Variants in LCLAT1 observed in about 807,000 individuals in gnomAD.
LCLAT1 encodes the protein lysocardiolipin acyltransferase 1, also known as 1-AGP acyltransferase 8.
A neutral mutation model predicts 30.7 loss-of-function variants in LCLAT1; 11 were observed. The ratio of observed to expected loss-of-function variants is 0.36; its 90% CI spans 0.23 to 0.59. The LOEUF is 0.59. LCLAT1 is among the 20% of genes least tolerant of loss of function. The pLI, the probability that LCLAT1 is intolerant of heterozygous loss-of-function variation, is 0.77. For missense variants in LCLAT1, 402 were observed against 458.6 expected, an observed-to-expected ratio of 0.88 and a Z score of 1.13; for synonymous variants, 155 against 151.3, an observed-to-expected ratio of 1.02 and a Z score of -0.18.
intron 5 of LCLAT1, among the ~76,000 whole-genome samples, chr2:30,577,901 T>C (rs1666063351): frequency 6.6e-6 from 1 of 152,150 alleles, no homozygotes; most frequent in Non-Finnish European, 1.5e-5. Context: ...TATCTGAGTA[T>C]TGTTAAGTAA....
intron 1 of LCLAT1, among the ~76,000 whole-genome samples, chr2:30,507,582 G>A (rs750552261): frequency 6.6e-5 from 10 of 152,086 alleles, no homozygotes; most frequent in Non-Finnish European, 1.5e-4. Context: ...CTGTTCCTGC[G>A]TTAGTTTGCT....
intron 5 of LCLAT1, among the ~76,000 whole-genome samples, chr2:30,593,504 TTTTGCTTAGG>T (rs1479369121): frequency 6.6e-6 from 1 of 152,290 alleles, no homozygotes; most frequent in East Asian, 1.9e-4. Context: ...GCTTTGTTCT[TTTTGCTTAGG>T]ATTGCTTAGC....
chr2:30,471,540 T>A (rs1407885717), intron 1 of LCLAT1, among the ~76,000 whole-genome samples: 1 of 152,264 alleles, frequency 6.6e-6, no homozygotes, highest in Admixed American at 6.5e-5. Flanking sequence ...AAACCTGGTA[T>A]ATCCTTCCAT....
intron 5 of LCLAT1, among the ~76,000 whole-genome samples, chr2:30,584,883 G>A (rs1558536035): frequency 1.3e-5 from 2 of 149,728 alleles, no homozygotes; most frequent in African/African-American, 2.5e-5. Flanking sequence ...TTGGGTGATC[G>A]GAAAAGTTTG....
intron 3 of LCLAT1, among the ~76,000 whole-genome samples, chr2:30,551,298 C>T (rs867896803): frequency 1.1e-4 from 17 of 152,322 alleles, no homozygotes; most frequent in African/African-American, 2.6e-4. Flanking sequence ...TGAGCCACTG[C>T]GCCTAGCCTG....
In LCLAT1 at chr2:30,635,717, A is replaced by C. The variant is rs80261748; in HGVS notation, c.629-4400A>C. ...AAAAATACCATGGAACAAGTCATAG[A>C]AATTGTAGTAGATGCTAACATCCAA... On this transcript the variant is annotated intron_variant, in intron 5 of 5. Coordinates refer to ENST00000379509, the MANE Select transcript of LCLAT1 (RefSeq NM_001002257.3). 4.4e-3 allele frequency among the ~76,000 whole-genome samples: 668 copies of C among 152,320 alleles called. 6 individuals carry two copies. The highest frequency in any genetic ancestry group is 0.015 in the African/African-American group (635 of 41,566).
At chr2:30,519,123 T>A (rs1365639016) in intron 1 of LCLAT1, among the ~76,000 whole-genome samples, 1 of 152,192 alleles carries the variant, frequency 6.6e-6, no homozygotes, top group Non-Finnish European at 1.5e-5. Context: ...GAGGAACACA[T>A]CCAGCTTATA....
chr2:30,536,336 A>G (rs764624264), intron 3 of LCLAT1, among the ~76,000 whole-genome samples: 2 of 152,224 alleles, frequency 1.3e-5, no homozygotes, highest in Non-Finnish European at 2.9e-5. Flanking sequence ...TCTCCAAGGC[A>G]CTTTATGGTC....
chr2:30,492,930 G>A (rs917065452), intron 1 of LCLAT1, among the ~76,000 whole-genome samples: 4 of 152,000 alleles, frequency 2.6e-5, no homozygotes, highest in African/African-American at 9.7e-5. Context: ...TATTTTTGGG[G>A]CACACTAAAA....
intron 1 of LCLAT1, among the ~76,000 whole-genome samples, chr2:30,465,495 G>A (rs1243808572): frequency 6.6e-6 from 1 of 152,100 alleles, no homozygotes; most frequent in Non-Finnish European, 1.5e-5. Context: ...GCAGCGATAG[G>A]AAACTACTGT....
chr2:30,637,139 A>G (rs919592383), intron 5 of LCLAT1, among the ~76,000 whole-genome samples: 2 of 152,202 alleles, frequency 1.3e-5, no homozygotes, highest in Admixed American at 1.3e-4. Flanking sequence ...TGTGAGAGAA[A>G]GGAAAGGGTG....
intron 1 of LCLAT1, among the ~76,000 whole-genome samples, chr2:30,452,219 A>G (rs1458792220): frequency 3.9e-5 from 6 of 152,296 alleles, no homozygotes; most frequent in Non-Finnish European, 5.9e-5. Context: ...TTTATTGTAT[A>G]TATATACTTT....
At position 30,591,782 on chromosome 2, in the gene LCLAT1, C is replaced by T. The variant is rs538369466; in HGVS notation, c.628+23606C>T. On this transcript the variant is annotated intron_variant, in intron 5 of 5. Transcript: ENST00000379509. Reference sequence around the variant, plus strand: ...CTGCACACCATTTCAGCTTTCTTTGCTTATCCCTTTGCCTCAAATACTATC... The same window carrying T: ...CTGCACACCATTTCAGCTTTCTTTGTTTATCCCTTTGCCTCAAATACTATC... Among the ~76,000 whole-genome samples, 5 of 152,272 alleles carry T rather than the reference C, an allele frequency of 3.3e-5. No homozygotes were observed. The South Asian group carries it at 6.2e-4, about 19-fold the overall frequency.
intron 1 of LCLAT1, chr2:30,459,640 G>A (rs1414034778): frequency 2.5e-6 from 4 of 1,613,830 alleles, no homozygotes; most frequent in Non-Finnish European, 2.5e-6. Flanking sequence ...GGAAATTGTG[G>A]TGCTTCTGAA....
intron 5 of LCLAT1, among the ~76,000 whole-genome samples, chr2:30,588,263 C>G (rs1157891837): frequency 6.6e-6 from 1 of 152,204 alleles, no homozygotes; most frequent in East Asian, 1.9e-4. Flanking sequence ...ACTTCTTCAC[C>G]TCCTTCAGCT....
chr2:30,531,717 CT>C (rs1391447156), intron 2 of LCLAT1, among the ~76,000 whole-genome samples: 3 of 152,124 alleles, frequency 2.0e-5, no homozygotes, highest in Non-Finnish European at 4.4e-5. Flanking sequence ...TTTCTAACTT[CT>C]TTTTACTTTC....
chr2:30,568,310 C>A, intron 5 of LCLAT1, 134 bp downstream of exon 5: 1 of 528,028 alleles, frequency 1.9e-6, no homozygotes, highest in East Asian at 3.2e-5. Context: ...ATTTTTATTC[C>A]AAGTTGGCCT....
At chr2:30,467,657 G>A (rs1459438874) in intron 1 of LCLAT1, among the ~76,000 whole-genome samples, 7 of 152,208 alleles carry the variant, frequency 4.6e-5, no homozygotes, top group Admixed American at 3.3e-4. Context: ...GTATCTCATT[G>A]TGGTTTTGAT....
chr2:30,551,467 C>CT (rs546149351), intron 3 of LCLAT1, among the ~76,000 whole-genome samples: 24 of 152,114 alleles, frequency 1.6e-4, no homozygotes, highest in Admixed American at 3.3e-4. Context: ...CCCTAGATCC[C>CT]TTTTTTTTAT....
Sources: gnomAD v4.1 joint callset for allele counts (sites outside exome capture counted in the v4.1 genomes callset) on GRCh38, gnomAD v4.1.1 for gene constraint, MANE v1.5 for transcripts, NCBI Gene and HGNC (gene_info 2026-07-23, HGNC 2026-07-21) for gene names.